The following FAM184A variants were observed in gnomAD, a reference collection of about 807,000 sequenced individuals.
The protein encoded by FAM184A is protein FAM184A.
A neutral mutation model predicts 143.8 loss-of-function variants in FAM184A; 99 were observed. The observed-to-expected ratio is 0.69, with a 90% CI of 0.58 to 0.81. The LOEUF is 0.81. Among genes scored for constraint, FAM184A ranks in the 40% least tolerant of loss-of-function variants. The probability of loss-of-function intolerance (pLI) is 0.00; values close to 1 mark genes in which losing one functional copy is unlikely to be tolerated. For missense variants in FAM184A, 1,217 were observed against 1,310.5 expected (o/e 0.93, Z 1.10); for synonymous variants, 427 against 446.4 (o/e 0.96, Z 0.55).
chr6:119,071,468 G>A (rs1787681642), intron 1 of FAM184A, among the ~76,000 whole-genome samples: 1 of 152,092 alleles, frequency 6.6e-6, no homozygotes, highest in South Asian at 2.1e-4. Flanking sequence ...TTAGCTGACA[G>A]CACACACAAT....
At chr6:119,129,074 G>A (rs527495302) in intron 1 of FAM184A, among the ~76,000 whole-genome samples, 1 of 152,130 alleles carries the variant, frequency 6.6e-6, no homozygotes, top group African/African-American at 2.4e-5. Context: ...TCAACCAATT[G>A]CCAATCAGGA....
At chr6:119,037,245 G>C (rs1419972749) in intron 1 of FAM184A, among the ~76,000 whole-genome samples, 6 of 152,108 alleles carry the variant, frequency 3.9e-5, no homozygotes, top group Non-Finnish European at 8.8e-5. Flanking sequence ...CTTAAATCAG[G>C]GTTCATCTTA....
At chr6:119,117,857 C>A (rs533225143) in intron 1 of FAM184A, among the ~76,000 whole-genome samples, 15 of 152,152 alleles carry the variant, frequency 9.9e-5, no homozygotes, top group African/African-American at 3.1e-4. Context: ...CAAGTTTAGC[C>A]AGCCAAGGGT....
At position 119,011,339 on chromosome 6, in the gene FAM184A, C is replaced by T; in HGVS notation, c.1623G>A (p.Leu541=). Residue 541 remains leucine, a synonymous_variant, in exon 6 of 18, where the codon CTG becomes CTA. Coordinates refer to ENST00000338891, the MANE Select transcript of FAM184A (RefSeq NM_024581.6). Reference sequence around the variant, plus strand: ...GATTGGCTGTATTCAACTTGTCTTCCAGTACTTCCTTTAGGTTTTCTAGCT... The same window carrying T: ...GATTGGCTGTATTCAACTTGTCTTCTAGTACTTCCTTTAGGTTTTCTAGCT... ...QQELENLKEV[L]EDKLNTANQE... is the part of the protein sequence containing the mutation. 1 of 1,609,102 alleles carries T rather than the reference C, an allele frequency of 6.2e-7. No homozygotes were observed. Among genetic ancestry groups the T allele is most frequent in the Non-Finnish European group, 8.5e-7 (1 of 1,177,892 alleles).
chr6:119,083,257 C>G (rs1354520406), upstream of FAM184A, among the ~76,000 whole-genome samples: 2 of 152,230 alleles, frequency 1.3e-5, no homozygotes, highest in African/African-American at 2.4e-5. Context: ...ATGGGAGGGG[C>G]CACCAGGAAG....
At chr6:119,054,708 C>T (rs1786893152) in intron 1 of FAM184A, among the ~76,000 whole-genome samples, 1 of 152,140 alleles carries the variant, frequency 6.6e-6, no homozygotes, top group African/African-American at 2.4e-5. Flanking sequence ...TCTTAACCGT[C>T]ACTAAACCTA....
intron 1 of FAM184A, among the ~76,000 whole-genome samples, chr6:119,089,686 C>T (rs1788320737): frequency 1.3e-5 from 2 of 152,136 alleles, no homozygotes; most frequent in Admixed American, 6.5e-5. Flanking sequence ...CTCACTTCCA[C>T]CTCCTAACAC....
At chr6:119,026,921 CT>C (rs1201462294) in intron 1 of FAM184A, among the ~76,000 whole-genome samples, 1 of 152,136 alleles carries the variant, frequency 6.6e-6, no homozygotes, top group Non-Finnish European at 1.5e-5. Context: ...CATACTCGGT[CT>C]TCTCCAGAGA....
intron 1 of FAM184A, among the ~76,000 whole-genome samples, chr6:119,074,891 G>C (rs564813241): frequency 2.3e-4 from 35 of 152,292 alleles, no homozygotes; most frequent in African/African-American, 8.4e-4. Flanking sequence ...GCTCCCTGCT[G>C]TATCTGTAAC....
intron 14 of FAM184A, 45 bp downstream of exon 14, chr6:118,974,383 A>G (rs1314820272): frequency 5.8e-6 from 9 of 1,550,566 alleles, no homozygotes; most frequent in African/African-American, 1.4e-5. Context: ...CAGTGCTCCT[A>G]AATTTATTAT....
At chr6:119,141,714 T>A (rs1772242476) in intron 1 of FAM184A, among the ~76,000 whole-genome samples, 1 of 152,034 alleles carries the variant, frequency 6.6e-6, no homozygotes, top group South Asian at 2.1e-4. Flanking sequence ...TGACCTCAAA[T>A]GATCCACCTA....
At chr6:119,043,302 A>C (rs953910531) in intron 1 of FAM184A, among the ~76,000 whole-genome samples, 1 of 152,196 alleles carries the variant, frequency 6.6e-6, no homozygotes, top group Non-Finnish European at 1.5e-5. Flanking sequence ...ACAGAAGGAA[A>C]ATGAGAAGGT....
intron 1 of FAM184A, among the ~76,000 whole-genome samples, chr6:119,097,475 A>T (rs1199745191): frequency 6.6e-6 from 1 of 152,228 alleles, no homozygotes; most frequent in Admixed American, 6.5e-5. Flanking sequence ...GGATTCTGAG[A>T]CAAGGATTTG....
Position 118,991,699 on chromosome 6 carries a change from A to G in FAM184A, c.2088+11200T>C, listed in dbSNP as rs114129689. On this transcript the variant is annotated intron_variant, in intron 9 of 17. Transcript: ENST00000338891. ...GCTTAAGGTTTAGTAGGACAGTGAG[A>G]GTCGGAATAACGGAATAACAGCCTG... Among the ~76,000 whole-genome samples the G allele has an allele frequency of 4.6e-3, 674 of 145,476 alleles. 8 individuals carry two copies. The highest frequency in any genetic ancestry group is 0.016 in the African/African-American group (650 of 39,434).
chr6:119,007,770 G>A (rs142774101), intron 6 of FAM184A, among the ~76,000 whole-genome samples: 1,962 of 152,078 alleles, frequency 0.013, 17 homozygotes, highest in Non-Finnish European at 0.021. Context: ...GCGAAACCCC[G>A]TCTCTACTAA....
intron 1 of FAM184A, among the ~76,000 whole-genome samples, chr6:119,131,104 C>A (rs1562162787): frequency 6.6e-6 from 1 of 151,946 alleles, no homozygotes; most frequent in Non-Finnish European, 1.5e-5. Flanking sequence ...GGTGATCCAC[C>A]CTTCTCTGCC....
intron 1 of FAM184A, among the ~76,000 whole-genome samples, chr6:119,033,134 G>A (rs1785953536): frequency 6.6e-6 from 1 of 152,032 alleles, no homozygotes; most frequent in Non-Finnish European, 1.5e-5. Flanking sequence ...CTTACTAAGG[G>A]AATCTTATGT....
At chr6:118,973,652 A>ATT (rs1461397458) in intron 14 of FAM184A, among the ~76,000 whole-genome samples, 1 of 152,176 alleles carries the variant, frequency 6.6e-6, no homozygotes, top group Non-Finnish European at 1.5e-5. Context: ...AGAGTAGATT[A>ATT]ATTCTGAAAT....
chr6:119,135,734 C>G (rs1789643018), intron 1 of FAM184A, among the ~76,000 whole-genome samples: 1 of 152,040 alleles, frequency 6.6e-6, no homozygotes, highest in Admixed American at 6.6e-5. Flanking sequence ...CAGAGAAGAG[C>G]TAAACTAGAA....
Sources: allele counts gnomAD v4.1 joint callset (sites outside exome capture counted in the v4.1 genomes callset), GRCh38; gene constraint gnomAD v4.1.1; transcripts MANE v1.5; gene names NCBI Gene and HGNC (gene_info 2026-07-23, HGNC 2026-07-21).